Variants in MECOM observed in about 807,000 individuals in gnomAD.
The protein encoded by MECOM is histone-lysine N-methyltransferase MECOM.
MECOM carries 13 observed loss-of-function variants against 116.3 expected under a neutral mutation model. The ratio of observed to expected loss-of-function variants is 0.11; its 90% CI spans 0.07 to 0.18. MECOM has a LOEUF of 0.18. MECOM is among the 10% of genes least tolerant of loss of function. The pLI is 1.00. For missense variants in MECOM, 1,299 were observed against 1,509.0 expected (o/e 0.86, Z 2.31); for synonymous variants, 528 against 535.2 (o/e 0.99, Z 0.19).
At chr3:169,607,131 T>C (rs1421957901) in intron 1 of MECOM, among the ~76,000 whole-genome samples, 3 of 152,358 alleles carry the variant, frequency 2.0e-5, no homozygotes, top group Middle Eastern at 3.4e-3. Context: ...GGCAATATAA[T>C]ATCTTTATAA....
chr3:169,486,584 T>C (rs542240135), intron 1 of MECOM, among the ~76,000 whole-genome samples: 24 of 152,072 alleles, frequency 1.6e-4, no homozygotes, highest in African/African-American at 5.3e-4. Flanking sequence ...CTATTGAAAA[T>C]ATATTTTGAT....
At chr3:169,110,840 A>G (rs911176898) in intron 9 of MECOM, among the ~76,000 whole-genome samples, 16 of 152,160 alleles carry the variant, frequency 1.1e-4, no homozygotes, top group African/African-American at 3.6e-4. Flanking sequence ...ATTCTGGTGT[A>G]GGAGGGAATC....
In MECOM at chr3:169,235,580, T is replaced by C. The variant is rs147058610; in HGVS notation, c.376-91748A>G. ...ATAAAAAAGTAAAATTTTTGAGGAATGAAAAATAACCAAATAAATGATATT... is the reference window on the plus strand; with the variant it reads ...ATAAAAAAGTAAAATTTTTGAGGAACGAAAAATAACCAAATAAATGATATT... On this transcript the variant is annotated intron_variant, in intron 2 of 16. Transcript: ENST00000651503. 7.8e-3 allele frequency among the ~76,000 whole-genome samples: 1,186 copies of C among 152,234 alleles called. 21 individuals carry two copies. The highest frequency in any genetic ancestry group is 0.027 in the African/African-American group (1,118 of 41,560).
At chr3:169,483,594 G>C (rs561411664) in intron 1 of MECOM, 14 of 988,354 alleles carry the variant, frequency 1.4e-5, no homozygotes, top group Non-Finnish European at 1.9e-5. Flanking sequence ...ACACTGCAGA[G>C]ATACAAGGAT....
Position 169,659,440 on chromosome 3 carries a change from A to ATTTTTTTTTT in MECOM, c.37+3886_37+3895dup, listed in dbSNP as rs56270349. Among the ~76,000 whole-genome samples the ATTTTTTTTTT allele has an allele frequency of 2.3e-3, 140 of 62,146 alleles. 32 individuals are homozygous for ATTTTTTTTTT. The highest frequency in any genetic ancestry group is 0.013 in the East Asian group (16 of 1,274). The allele number at this position is 62,146 out of a possible 152,430, so 40.8% of individuals were successfully genotyped here. A position where few individuals can be genotyped will look rare whatever the true frequency, so the allele number is the denominator to read the frequency against. On this transcript the variant is annotated intron_variant, in intron 1 of 16. Coordinates refer to ENST00000651503, the MANE Select transcript of MECOM (RefSeq NM_004991.4). ...GTAATTAACCTTCCCCTAAACACAG[A>ATTTTTTTTTT]TTTTTTTTTTTTTTTTTTTTTTTTT...
intron 1 of MECOM, among the ~76,000 whole-genome samples, chr3:169,390,651 C>T (rs1734068043): frequency 6.6e-6 from 1 of 152,080 alleles, no homozygotes; most frequent in African/African-American, 2.4e-5. Flanking sequence ...AACTGGGATC[C>T]CTGTGACCAC....
intron 2 of MECOM, among the ~76,000 whole-genome samples, chr3:169,342,498 T>C (rs986724885): frequency 6.6e-6 from 1 of 152,160 alleles, no homozygotes; most frequent in African/African-American, 2.4e-5. Context: ...ATATTATTTA[T>C]AAAATTTTTA....
chr3:169,285,995 TTTTA>T (rs1195835314), intron 2 of MECOM, among the ~76,000 whole-genome samples: 2 of 152,338 alleles, frequency 1.3e-5, no homozygotes, highest in East Asian at 1.9e-4. Flanking sequence ...TTGCCTACTG[TTTTA>T]TTTGTTTCCA....
rs1760892702 is a variant in MECOM, at chr3:169,547,671, T to G, written c.37+115665A>C. The stretch of plus-strand genomic sequence containing the variant: ...CCTGTGAATATACCATATTTGGAAA[T>G]ATAATCTTTGCCAATGTAATTAATT... On this transcript the variant is annotated intron_variant, in intron 1 of 16. Transcript: ENST00000651503. Among the ~76,000 whole-genome samples, 3 of 152,162 alleles carry G rather than the reference T, an allele frequency of 2.0e-5. No homozygotes were observed. In the South Asian group the frequency reaches 6.2e-4, roughly 31 times the overall value.
At chr3:169,610,795 T>C (rs1270174828) in intron 1 of MECOM, among the ~76,000 whole-genome samples, 1 of 152,146 alleles carries the variant, frequency 6.6e-6, no homozygotes, top group Non-Finnish European at 1.5e-5. Context: ...GAATATAAGC[T>C]CTATGAGAGC....
chr3:169,553,991 CG>C (rs1761719840), intron 1 of MECOM, among the ~76,000 whole-genome samples: 1 of 143,658 alleles, frequency 7.0e-6, no homozygotes, highest in Non-Finnish European at 1.5e-5. Flanking sequence ...CTGGGGAGGG[CG>C]GGGAGGGTCA....
chr3:169,471,836 T>C (rs1379362950), intron 1 of MECOM, among the ~76,000 whole-genome samples: 1 of 152,234 alleles, frequency 6.6e-6, no homozygotes, highest in African/African-American at 2.4e-5. Context: ...ATTCACTCTA[T>C]TTAATAGTTT....
At chr3:169,136,280 T>C (rs923506183) in intron 3 of MECOM, among the ~76,000 whole-genome samples, 1 of 151,536 alleles carries the variant, frequency 6.6e-6, no homozygotes, top group African/African-American at 2.4e-5. Flanking sequence ...GACATAAACA[T>C]GGCAAAGTAT....
intron 2 of MECOM, among the ~76,000 whole-genome samples, chr3:169,272,884 G>A (rs1283887044): frequency 6.6e-6 from 1 of 152,080 alleles, no homozygotes; most frequent in African/African-American, 2.4e-5. Flanking sequence ...AGGAGGTCTC[G>A]ACCTCACCAC....
chr3:169,602,850 A>G (rs1043445310), intron 1 of MECOM, among the ~76,000 whole-genome samples: 2 of 152,166 alleles, frequency 1.3e-5, no homozygotes, highest in African/African-American at 2.4e-5. Flanking sequence ...CAAAAAAACT[A>G]TGTTCTGAAA....
Position 169,594,170 on chromosome 3 carries a change from A to AAAAAAAAAAAAAACC in MECOM, c.37+69165_37+69166insGGTTTTTTTTTTTTT, listed in dbSNP as rs1553894632. 3.8e-3 allele frequency among the ~76,000 whole-genome samples: 458 copies of AAAAAAAAAAAAAACC among 119,340 alleles called. 8 individuals carry two copies. The highest frequency in any genetic ancestry group is 0.017 in the African/African-American group (437 of 25,718). 78.3% of individuals were successfully genotyped at this position (119,340 alleles called of 152,430 possible). A position where few individuals can be genotyped will look rare whatever the true frequency, so the allele number is the denominator to read the frequency against. On this transcript the variant is annotated intron_variant, in intron 1 of 16. Transcript: ENST00000651503. Reference sequence around the variant, plus strand: ...CCACCACCACAAAAAAAAAAAAAAAAAAAAAACACCTTTTCACCTAAGTAC... The same window carrying AAAAAAAAAAAAAACC: ...CCACCACCACAAAAAAAAAAAAAAAAAAAAAAAAAAAAACCAAAAAACACCTTTTCACCTAAGTAC...
chr3:169,456,722 C>T (rs931007907), intron 1 of MECOM, among the ~76,000 whole-genome samples: 3 of 152,104 alleles, frequency 2.0e-5, no homozygotes, highest in Non-Finnish European at 4.4e-5. Flanking sequence ...TCCATCATCC[C>T]CTCCGTAAAG....
intron 9 of MECOM, among the ~76,000 whole-genome samples, chr3:169,110,375 C>T (rs1284664329): frequency 6.6e-6 from 1 of 152,114 alleles, no homozygotes; most frequent in Non-Finnish European, 1.5e-5. Context: ...ATGCCAAGCA[C>T]AATGCTAAAT....
intron 16 of MECOM, chr3:169,086,635 T>C: frequency 1.4e-6 from 1 of 697,922 alleles, no homozygotes; most frequent in Non-Finnish European, 2.6e-6. Flanking sequence ...TGCACTAACT[T>C]ACATAAAGTG....
Sources: gnomAD v4.1 joint callset for allele counts (sites outside exome capture counted in the v4.1 genomes callset) on GRCh38, gnomAD v4.1.1 for gene constraint, MANE v1.5 for transcripts, NCBI Gene and HGNC (gene_info 2026-07-23, HGNC 2026-07-21) for gene names.